The following SEMA4F variants were observed in gnomAD, a reference collection of about 807,000 sequenced individuals.
SEMA4F encodes the protein semaphorin-4F.
In SEMA4F, 51 loss-of-function variants were observed where a neutral mutation model predicts 78.4. The ratio of observed to expected loss-of-function variants is 0.65; its 90% CI spans 0.52 to 0.82. The LOEUF is 0.82. Among genes scored for constraint, SEMA4F ranks in the 40% least tolerant of loss-of-function variants. SEMA4F has a pLI of 0.00. For synonymous variants in SEMA4F, 418 were observed against 408.7 expected, an observed-to-expected ratio of 1.02 and a Z score of -0.27; for missense variants, 938 against 1,014.4, an observed-to-expected ratio of 0.92 and a Z score of 1.02.
chr2:74,664,016 C>G (rs1684557495), intron 5 of SEMA4F, among the ~76,000 whole-genome samples: 1 of 152,172 alleles, frequency 6.6e-6, no homozygotes, highest in Admixed American at 6.5e-5. Flanking sequence ...TGAAATGATT[C>G]TATCACAAAC....
chr2:74,675,401 A>G lies in SEMA4F; in HGVS notation c.1372+17A>G. On this transcript the variant is annotated intron_variant, in intron 10 of 13. Coordinates refer to ENST00000357877, the MANE Select transcript of SEMA4F (RefSeq NM_004263.5). The stretch of plus-strand genomic sequence containing the variant: ...TGGGGACAGGTATATTTAATGGTCA[A>G]GCAGGCTGCCTACCTAGTGCATACA... 1 of 1,610,620 alleles carries G rather than the reference A, an allele frequency of 6.2e-7. No individual in the cohort carries two copies. The highest frequency in any genetic ancestry group is 8.5e-7 in the Non-Finnish European group (1 of 1,177,414).
rs181835032 is a variant in SEMA4F, at chr2:74,677,090, C to T, written c.1643+1181C>T. ...CTGATTTTTGTATTTTTGGTAGAGACGGGGTTTCACTACGTTGGCCAGGCT... is the reference window on the plus strand; with the variant it reads ...CTGATTTTTGTATTTTTGGTAGAGATGGGGTTTCACTACGTTGGCCAGGCT... On this transcript the variant is annotated intron_variant, in intron 12 of 13. Transcript: ENST00000357877. Among the ~76,000 whole-genome samples the T allele has an allele frequency of 1.3e-3, 200 of 152,096 alleles. 1 individual carries two copies. Among genetic ancestry groups the T allele is most frequent in the African/African-American group, 4.6e-3 (190 of 41,512 alleles).
At chr2:74,668,929 CAAA>C (rs1308342967) in intron 5 of SEMA4F, among the ~76,000 whole-genome samples, 4 of 55,632 alleles carry the variant, frequency 7.2e-5, no homozygotes, top group Admixed American at 1.9e-4. Context: ...CAAGCGTGGC[CAAA>C]AAAAAAAAAA....
At position 74,681,140 on chromosome 2, in the gene SEMA4F, A is replaced by G. The variant is rs1451387347; in HGVS notation, c.*931A>G. 1 of 152,548 alleles carries G rather than the reference A, an allele frequency of 6.6e-6. No homozygotes were observed. The highest frequency in any genetic ancestry group is 1.5e-5 in the Non-Finnish European group (1 of 68,032). The allele number at this position is 152,548 out of a possible 1,614,324, so 9.4% of individuals were successfully genotyped here. On this transcript the variant is annotated 3_prime_UTR_variant, in exon 14 of 14. Transcript: ENST00000357877. ...TTGGCTCCCATTAAAAATCAACAACATTCTAATGATTAGGGAACAACAGAA... is the reference window on the plus strand; with the variant it reads ...TTGGCTCCCATTAAAAATCAACAACGTTCTAATGATTAGGGAACAACAGAA...
chr2:74,685,601 C>A (rs1685806200), downstream of SEMA4F, among the ~76,000 whole-genome samples: 1 of 151,974 alleles, frequency 6.6e-6, no homozygotes, highest in Non-Finnish European at 1.5e-5. Context: ...TGACTGTGTC[C>A]TAGGAAATGG....
rs370683897 is a variant in SEMA4F, at chr2:74,675,542, C to A, written c.1390C>A (p.Arg464=). The A allele has an allele frequency of 1.9e-6, 3 of 1,613,924 alleles. No individual in the cohort carries two copies. The highest frequency in any genetic ancestry group is 2.5e-6 in the Non-Finnish European group (3 of 1,179,906). The part of the protein sequence containing the change: ...YLGTEDGHLH[R]AVRIGAQLSV... ...TCCCCTAGAGGATGGACACCTCCAC[C>A]GAGCAGTGCGGATCGGAGCTCAGCT... Residue 464 remains arginine, a synonymous_variant, in exon 11 of 14, where the codon CGA becomes AGA. Transcript: ENST00000357877.
chr2:74,683,201 A>G lies in SEMA4F; in HGVS notation c.*2992A>G, dbSNP rs1685714440. The stretch of plus-strand genomic sequence containing the variant: ...CTCTGAAGATTAATGATTGAGAAGG[A>G]TGATTGGACCTGTCTAGTCAGGGAG... On this transcript the variant is annotated 3_prime_UTR_variant, in exon 14 of 14. Coordinates refer to ENST00000357877, the MANE Select transcript of SEMA4F (RefSeq NM_004263.5). The G allele has an allele frequency of 6.6e-6, 1 of 152,254 alleles. No homozygotes were observed. Among genetic ancestry groups the G allele is most frequent in the Non-Finnish European group, 1.5e-5 (1 of 68,078 alleles). The allele number at this position is 152,254 out of a possible 1,614,324, so 9.4% of individuals were successfully genotyped here. A position where few individuals can be genotyped will look rare whatever the true frequency, so the allele number is the denominator to read the frequency against.
Position 74,658,373 on chromosome 2 carries a change from C to T in SEMA4F, c.456+422C>T, listed in dbSNP as rs1684264883. ...CAGCCCATTGCCTGTTTCTTCCTTT[C>T]ACAGCATGTGACTGTCTCTTACCAC... On this transcript the variant is annotated intron_variant, in intron 4 of 13. Transcript: ENST00000357877. The surrounding 1 kb of genome is among the most constrained non-coding windows in gnomAD (Gnocchi z 4.3). Among the ~76,000 whole-genome samples the T allele has an allele frequency of 6.6e-6, 1 of 152,220 alleles. No individual in the cohort carries two copies. Among genetic ancestry groups the T allele is most frequent in the Non-Finnish European group, 1.5e-5 (1 of 68,040 alleles).
rs772548694 is a variant in SEMA4F, at chr2:74,680,077, G to C, written c.2181G>C (p.Pro727=). 1.7e-5 allele frequency: 28 copies of C among 1,613,888 alleles called. No individual in the cohort carries two copies. In the Middle Eastern group the frequency reaches 4.9e-4, roughly 28 times the overall value. The change falls in exon 14 of 14, where the codon CCG becomes CCC. Residue 727 remains proline, a synonymous_variant. Transcript: ENST00000357877. ...CCTCTCCTGAAGATGAGCGGTTGCC[G>C]CTGGCCCTGGCCAAGAGGGGCAGTG... The part of the protein sequence containing the change: ...PSPSPEDERL[P]LALAKRGSGF...
At chr2:74,689,151 GC>G in the SEMA4F span, among the ~76,000 whole-genome samples, 2 of 152,168 alleles carry the variant, frequency 1.3e-5, no homozygotes, top group Non-Finnish European at 2.9e-5. Context: ...GGTTTGGGAT[GC>G]CAATCAAAGC....
intron 4 of SEMA4F, among the ~76,000 whole-genome samples, chr2:74,661,527 A>G (rs547247970): frequency 1.3e-5 from 2 of 152,278 alleles, no homozygotes; most frequent in East Asian, 1.9e-4. Context: ...AGAGTGCCCA[A>G]CCATCTTGTT....
chr2:74,677,666 A>G (rs1466476602), intron 12 of SEMA4F, among the ~76,000 whole-genome samples: 1 of 152,216 alleles, frequency 6.6e-6, no homozygotes, highest in Non-Finnish European at 1.5e-5. Context: ...TGTTTTTGCA[A>G]ACTGACCTTG....
chr2:74,688,048 C>T (rs986987314), downstream of SEMA4F, among the ~76,000 whole-genome samples: 1 of 152,130 alleles, frequency 6.6e-6, no homozygotes, highest in Non-Finnish European at 1.5e-5. Context: ...ACATCAAACT[C>T]AATCTCAGAA....
chr2:74,654,750 C>G (rs557445377), intron 1 of SEMA4F, among the ~76,000 whole-genome samples: 1 of 152,324 alleles, frequency 6.6e-6, no homozygotes, highest in South Asian at 2.1e-4. Context: ...CCTCGCGCCT[C>G]GGCTCCCACG....
chr2:74,672,762 A>G (rs922762105), intron 5 of SEMA4F, among the ~76,000 whole-genome samples: 1 of 151,914 alleles, frequency 6.6e-6, no homozygotes. Context: ...AGGAGGGAGG[A>G]CCTGATTCCT....
the SEMA4F span, among the ~76,000 whole-genome samples, chr2:74,703,978 TA>T: frequency 6.6e-6 from 1 of 152,088 alleles, no homozygotes; most frequent in Admixed American, 6.5e-5. Context: ...AGGTGTAAAG[TA>T]GGGCTTGAGA....
chr2:74,709,315 C>T, the SEMA4F span, among the ~76,000 whole-genome samples: 3 of 152,174 alleles, frequency 2.0e-5, no homozygotes, highest in Non-Finnish European at 4.4e-5. Context: ...GGAGGCATCA[C>T]ACATTTTTCA....
intron 12 of SEMA4F, among the ~76,000 whole-genome samples, chr2:74,677,377 A>C (rs1443029387): frequency 3.3e-5 from 5 of 152,196 alleles, no homozygotes. Context: ...CAAATCCTGG[A>C]CATCATTTCA....
chr2:74,700,676 A>T, the SEMA4F span, among the ~76,000 whole-genome samples: 3 of 152,210 alleles, frequency 2.0e-5, no homozygotes, highest in African/African-American at 7.2e-5. Flanking sequence ...AGGCACAGAG[A>T]GGGTAAGTAA....
Sources: gnomAD v4.1 joint callset for allele counts (sites outside exome capture counted in the v4.1 genomes callset) on GRCh38, gnomAD v4.1.1 for gene constraint, Gnocchi (gnomAD v3.1) non-coding constraint, MANE v1.5 for transcripts, NCBI Gene and HGNC (gene_info 2026-07-23, HGNC 2026-07-21) for gene names.